The following PATJ variants were observed in gnomAD, a reference collection of about 807,000 sequenced individuals.
PATJ encodes inaD-like protein.
In PATJ, 190 loss-of-function variants were observed where a neutral mutation model predicts 224.9. The ratio of observed to expected loss-of-function variants is 0.84; its 90% CI spans 0.75 to 0.95. The LOEUF is 0.95. PATJ is among the 40% of genes least tolerant of loss of function. The probability of loss-of-function intolerance (pLI) is 0.00; values close to 1 mark genes in which losing one functional copy is unlikely to be tolerated. For synonymous variants in PATJ, 769 were observed against 820.3 expected (o/e 0.94, Z 1.07); for missense variants, 2,121 against 2,270.3 (o/e 0.93, Z 1.34).
intron 27 of PATJ, among the ~76,000 whole-genome samples, chr1:61,949,502 T>A (rs772527772): frequency 9.2e-5 from 14 of 152,210 alleles, no homozygotes; most frequent in Admixed American, 2.0e-4. Flanking sequence ...TTTAAAAATG[T>A]TTCAAAGTTA....
chr1:61,777,931 G>A (rs951418673), intron 7 of PATJ, among the ~76,000 whole-genome samples: 1 of 151,758 alleles, frequency 6.6e-6, no homozygotes, highest in Non-Finnish European at 1.5e-5. Context: ...CCAGGCTGGA[G>A]TGCAGTGGTG....
intron 19 of PATJ, among the ~76,000 whole-genome samples, chr1:61,862,159 G>A (rs938688432): frequency 1.3e-5 from 2 of 150,818 alleles, no homozygotes; most frequent in African/African-American, 4.9e-5. Flanking sequence ...CATTGTGCCT[G>A]GCCTCATTGT....
Position 61,771,447 on chromosome 1 carries a change from GA to G in PATJ, c.545del (p.Asn182MetfsTer32). ...ATGATTAAGGGATCAAAGATTAAAG[GA>G]AAATGATCAAATATTGGCCATTAAT... ...SVADRDQRLK[E>X]NDQILAINHT... is the part of the protein sequence containing the mutation. On this transcript the variant is annotated frameshift_variant, in exon 6 of 44. Transcript: ENST00000642238. LOFTEE classifies it high-confidence loss of function. The G allele has an allele frequency of 1.3e-6, 2 of 1,587,750 alleles. No homozygotes were observed. Among genetic ancestry groups the G allele is most frequent in the Admixed American group, 1.8e-5 (1 of 54,480 alleles).
intron 10 of PATJ, among the ~76,000 whole-genome samples, chr1:61,796,740 C>CTTTCTTTT (rs1557661543): frequency 4.0e-5 from 2 of 50,324 alleles, no homozygotes; most frequent in Non-Finnish European, 9.4e-5. Context: ...TTCTTTCTTT[C>CTTTCTTTT]TTTTTTTTCT....
chr1:61,953,915 G>A (rs1042552943), intron 27 of PATJ, among the ~76,000 whole-genome samples: 2 of 152,080 alleles, frequency 1.3e-5, no homozygotes, highest in East Asian at 1.9e-4. Context: ...TCCAAACACC[G>A]CAGTGGAACC....
At chr1:61,927,705 C>G in intron 26 of PATJ, 25 bp from the exon 27 acceptor site, 1 of 1,429,398 alleles carries the variant, frequency 7.0e-7, no homozygotes, top group Non-Finnish European at 9.8e-7. Flanking sequence ...GCATTTAACC[C>G]TTCTCTCAAA....
At chr1:61,946,281 G>T (rs184115333) in intron 27 of PATJ, among the ~76,000 whole-genome samples, 54 of 152,162 alleles carry the variant, frequency 3.5e-4, no homozygotes, top group Non-Finnish European at 5.9e-5. Context: ...TCCAGGAGCT[G>T]ATTTTTTGAA....
chr1:62,093,868 G>A (rs1661076249), intron 33 of PATJ, among the ~76,000 whole-genome samples: 1 of 152,052 alleles, frequency 6.6e-6, no homozygotes, highest in Non-Finnish European at 1.5e-5. Flanking sequence ...ATGAAGACTT[G>A]GGTAACGGAA....
intron 41 of PATJ, among the ~76,000 whole-genome samples, chr1:62,141,576 G>T (rs1344421826): frequency 6.6e-6 from 1 of 152,062 alleles, no homozygotes; most frequent in Non-Finnish European, 1.5e-5. Context: ...TCGGGAGGCT[G>T]AGGCACAAGA....
intron 24 of PATJ, among the ~76,000 whole-genome samples, chr1:61,901,913 G>A (rs1470116444): frequency 6.6e-6 from 1 of 152,106 alleles, no homozygotes; most frequent in Non-Finnish European, 1.5e-5. Flanking sequence ...GATACGCTCT[G>A]TGGGCGCTAA....
At chr1:61,833,296 TATG>T (rs1308201580) in intron 16 of PATJ, 7 of 156,650 alleles carry the variant, frequency 4.5e-5, no homozygotes, top group Non-Finnish European at 7.0e-5. Flanking sequence ...TTCTACTTTG[TATG>T]ATGTTTTCAT....
At chr1:61,912,277 C>T (rs1672770622) in intron 25 of PATJ, among the ~76,000 whole-genome samples, 1 of 152,030 alleles carries the variant, frequency 6.6e-6, no homozygotes, top group Non-Finnish European at 1.5e-5. Flanking sequence ...GATATATGTA[C>T]AGAAGAACAT....
Position 61,979,457 on chromosome 1 carries a change from A to AT in PATJ, c.3671-10710dup, listed in dbSNP as rs571888127. ...ATCACGAGGTCAGGAGATTGAGACC[A>AT]TCCCGGCCAACATGGTAAAACTCTG... On this transcript the variant is annotated intron_variant, in intron 27 of 43. Coordinates refer to ENST00000642238, the MANE Select transcript of PATJ (RefSeq NM_001350145.3). Among the ~76,000 whole-genome samples, 110 of 152,156 alleles carry AT rather than the reference A, an allele frequency of 7.2e-4. 2 individuals are homozygous for AT. The South Asian group carries it at 0.022, about 30-fold the overall frequency.
chr1:62,121,386 T>C, intron 38 of PATJ, 91 bp downstream of exon 38: 1 of 783,168 alleles, frequency 1.3e-6, no homozygotes, highest in South Asian at 1.9e-5. Context: ...TTCTTTAATA[T>C]AAATGTTTTT....
chr1:61,913,672 T>C (rs905979760), intron 25 of PATJ, among the ~76,000 whole-genome samples: 3 of 152,166 alleles, frequency 2.0e-5, no homozygotes, highest in African/African-American at 7.2e-5. Context: ...ACCAGAGAAA[T>C]AGTGAAAAAT....
chr1:62,051,018 T>C lies in PATJ; in HGVS notation c.4085T>C (p.Val1362Ala). The C allele has an allele frequency of 6.2e-7, 1 of 1,613,958 alleles. No individual in the cohort carries two copies. The highest frequency in any genetic ancestry group is 8.5e-7 in the Non-Finnish European group (1 of 1,179,854). The part of the protein sequence containing the change: ...ISSEEDGSVE[V>A]GIKQLPESES... ...AGTGAGGAAGATGGCAGCGTCGAAGTTGGTATTAAACAATTGCCTGAAAGT... is the reference window on the plus strand; with the variant it reads ...AGTGAGGAAGATGGCAGCGTCGAAGCTGGTATTAAACAATTGCCTGAAAGT... The change falls in exon 31 of 44, where the codon GTT becomes GCT. Residue 1362 changes from valine (V) to alanine (A), a missense_variant. Coordinates refer to ENST00000642238, the MANE Select transcript of PATJ (RefSeq NM_001350145.3).
intron 27 of PATJ, among the ~76,000 whole-genome samples, chr1:61,957,012 A>G (rs1474437794): frequency 2.6e-5 from 4 of 152,188 alleles, no homozygotes; most frequent in Non-Finnish European, 5.9e-5. Flanking sequence ...TTGCATTTAA[A>G]TAGTCATTTC....
intron 7 of PATJ, among the ~76,000 whole-genome samples, chr1:61,781,244 C>T (rs1647269195): frequency 6.6e-6 from 1 of 152,176 alleles, no homozygotes; most frequent in Admixed American, 6.5e-5. Flanking sequence ...CATCCATCAA[C>T]AGGGAGTAGC....
chr1:61,853,254 C>A (rs536402351), intron 17 of PATJ, among the ~76,000 whole-genome samples: 1 of 152,154 alleles, frequency 6.6e-6, no homozygotes, highest in Non-Finnish European at 1.5e-5. Context: ...CCATTTCCTT[C>A]TGGTGAATCG....
Sources: gnomAD v4.1 joint callset for allele counts (sites outside exome capture counted in the v4.1 genomes callset) on GRCh38, gnomAD v4.1.1 for gene constraint, MANE v1.5 for transcripts, NCBI Gene and HGNC (gene_info 2026-07-23, HGNC 2026-07-21) for gene names.